Variants in LRRC4C observed in about 807,000 individuals in gnomAD.
The protein encoded by LRRC4C is leucine rich repeat containing 4C, also known as leucine-rich repeat-containing protein 4C.
LRRC4C carries 5 observed loss-of-function variants against 33.6 expected under a neutral mutation model. That is an observed-to-expected ratio of 0.15 (90% confidence interval 0.08 to 0.31). The LOEUF (loss-of-function observed/expected upper bound fraction) is 0.31. LRRC4C is among the 10% of genes least tolerant of loss of function. The pLI is 1.00. For missense variants in LRRC4C, 560 were observed against 796.7 expected, an observed-to-expected ratio of 0.70 and a Z score of 3.58; for synonymous variants, 329 against 302.0, an observed-to-expected ratio of 1.09 and a Z score of -0.93.
At chr11:40,358,855 C>T (rs979828981) in intron 3 of LRRC4C, among the ~76,000 whole-genome samples, 2 of 152,044 alleles carry the variant, frequency 1.3e-5, no homozygotes, top group African/African-American at 4.8e-5. Flanking sequence ...GCTATTCATT[C>T]ATTCATTTAT....
intron 3 of LRRC4C, among the ~76,000 whole-genome samples, chr11:40,349,599 C>T (rs990197568): frequency 3.9e-5 from 6 of 152,064 alleles, no homozygotes; most frequent in Non-Finnish European, 5.9e-5. Context: ...AGTAGTGGAA[C>T]GGCTGGATTA....
At chr11:40,770,126 T>C (rs1362923337) in intron 2 of LRRC4C, among the ~76,000 whole-genome samples, 1 of 152,208 alleles carries the variant, frequency 6.6e-6, no homozygotes, top group Non-Finnish European at 1.5e-5. Flanking sequence ...GTTCTCATGC[T>C]GCTATAAAGA....
chr11:41,331,795 G>A (rs1185834407), intron 1 of LRRC4C, among the ~76,000 whole-genome samples: 1 of 151,638 alleles, frequency 6.6e-6, no homozygotes, highest in African/African-American at 2.4e-5. Context: ...CGAACCCCAG[G>A]GTAGATCTAC....
intron 2 of LRRC4C, among the ~76,000 whole-genome samples, chr11:40,728,125 A>C (rs1947377108): frequency 6.6e-6 from 1 of 152,126 alleles, no homozygotes; most frequent in East Asian, 1.9e-4. Flanking sequence ...CAGCATGGCT[A>C]TCATTAAAAA....
rs934940832 is a variant in LRRC4C, at chr11:41,221,663, A to G, written c.-496+237768T>C. Among the ~76,000 whole-genome samples the G allele has an allele frequency of 3.9e-5, 6 of 152,366 alleles. No individual in the cohort carries two copies. In the East Asian group the frequency reaches 9.6e-4, roughly 24 times the overall value. On this transcript the variant is annotated intron_variant, in intron 1 of 6. Coordinates refer to ENST00000528697, the MANE Select transcript of LRRC4C (RefSeq NM_001258419.2). ...ATGGAATCAACCTAAATGCCCATCA[A>G]TGATTGACTGGATAAAGACATTCTA...
chr11:40,364,247 A>C (rs969907908), intron 3 of LRRC4C, among the ~76,000 whole-genome samples: 1 of 152,156 alleles, frequency 6.6e-6, no homozygotes. Context: ...AACAAACAAA[A>C]AAATCAGCCA....
At chr11:40,748,872 A>G (rs1265696452) in intron 2 of LRRC4C, among the ~76,000 whole-genome samples, 1 of 152,144 alleles carries the variant, frequency 6.6e-6, no homozygotes, top group Non-Finnish European at 1.5e-5. Flanking sequence ...AAAAAACTGT[A>G]GTAAAAGACA....
chr11:40,666,507 A>G (rs1351878963), intron 2 of LRRC4C, among the ~76,000 whole-genome samples: 2 of 152,124 alleles, frequency 1.3e-5, no homozygotes, highest in Non-Finnish European at 2.9e-5. Flanking sequence ...CATTTGGCAT[A>G]TCTGATTGGT....
intron 1 of LRRC4C, among the ~76,000 whole-genome samples, chr11:40,935,079 G>A (rs1234164237): frequency 6.6e-6 from 1 of 152,024 alleles, no homozygotes; most frequent in Admixed American, 6.6e-5. Flanking sequence ...TAAAATTGTT[G>A]TTCTCCTCCC....
chr11:40,524,004 T>A (rs1027940810), intron 3 of LRRC4C, among the ~76,000 whole-genome samples: 1 of 152,280 alleles, frequency 6.6e-6, no homozygotes, highest in South Asian at 2.1e-4. Context: ...AATCTAACTT[T>A]AATGGCAATA....
At chr11:40,918,989 C>G (rs1341816924) in intron 2 of LRRC4C, among the ~76,000 whole-genome samples, 1 of 152,118 alleles carries the variant, frequency 6.6e-6, no homozygotes, top group Non-Finnish European at 1.5e-5. Flanking sequence ...TGTGTGTCCA[C>G]TACAAACCAT....
chr11:40,571,343 A>G (rs775630645), intron 3 of LRRC4C, among the ~76,000 whole-genome samples: 53 of 152,020 alleles, frequency 3.5e-4, no homozygotes, highest in Non-Finnish European at 6.6e-4. Context: ...TTTTAGTTGT[A>G]TTTTCCTTGT....
intron 3 of LRRC4C, among the ~76,000 whole-genome samples, chr11:40,518,013 G>T (rs561555041): frequency 6.2e-4 from 95 of 152,250 alleles, no homozygotes; most frequent in African/African-American, 2.2e-3. Context: ...ATGGGGAAAG[G>T]AGTCCCTATT....
intron 5 of LRRC4C, among the ~76,000 whole-genome samples, chr11:40,157,341 T>C (rs903935057): frequency 1.3e-5 from 2 of 152,162 alleles, no homozygotes; most frequent in Admixed American, 1.3e-4. Flanking sequence ...CTTCTAGACA[T>C]TGGCTTAGGC....
intron 3 of LRRC4C, among the ~76,000 whole-genome samples, chr11:40,624,108 C>T (rs1028275938): frequency 6.6e-6 from 1 of 151,984 alleles, no homozygotes; most frequent in Non-Finnish European, 1.5e-5. Context: ...ATAGAGAGTA[C>T]CTGGGAAAGA....
intron 1 of LRRC4C, among the ~76,000 whole-genome samples, chr11:41,049,259 T>G (rs1858025626): frequency 6.6e-6 from 1 of 152,194 alleles, no homozygotes; most frequent in African/African-American, 2.4e-5. Flanking sequence ...GGTTTCCTTT[T>G]TCACTTGGCT....
intron 3 of LRRC4C, among the ~76,000 whole-genome samples, chr11:40,388,192 A>C (rs1949189425): frequency 6.6e-6 from 1 of 152,158 alleles, no homozygotes; most frequent in African/African-American, 2.4e-5. Flanking sequence ...CTTTATAAAA[A>C]GGGGCAAAAA....
intron 3 of LRRC4C, among the ~76,000 whole-genome samples, chr11:40,337,602 A>G (rs2136985457): frequency 6.6e-6 from 1 of 152,060 alleles, no homozygotes; most frequent in African/African-American, 2.4e-5. Flanking sequence ...TAAAGATAAC[A>G]GTTTTAAATA....
chr11:40,459,201 G>A (rs999758734), intron 3 of LRRC4C, among the ~76,000 whole-genome samples: 4 of 152,036 alleles, frequency 2.6e-5, no homozygotes, highest in African/African-American at 7.2e-5. Context: ...CTTATTCAAT[G>A]TTTCAATACT....
Sources: gnomAD v4.1 joint callset for allele counts (sites outside exome capture counted in the v4.1 genomes callset) on GRCh38, gnomAD v4.1.1 for gene constraint, MANE v1.5 for transcripts, NCBI Gene and HGNC (gene_info 2026-07-23, HGNC 2026-07-21) for gene names.